The following KCND3 variants were observed in gnomAD, a reference collection of about 807,000 sequenced individuals.
KCND3 encodes the protein A-type voltage-gated potassium channel KCND3.
A neutral mutation model predicts 51.1 loss-of-function variants in KCND3; 9 were observed. The observed-to-expected ratio is 0.18, with a 90% CI of 0.11 to 0.31. The LOEUF (loss-of-function observed/expected upper bound fraction) is 0.31. Ranked by LOEUF, KCND3 falls within the 10% of genes least tolerant of loss-of-function variation. The pLI is 1.00. For missense variants in KCND3, 526 were observed against 903.8 expected, an observed-to-expected ratio of 0.58 and a Z score of 5.36; for synonymous variants, 349 against 368.0, an observed-to-expected ratio of 0.95 and a Z score of 0.59.
intron 2 of KCND3, among the ~76,000 whole-genome samples, chr1:111,937,561 G>T (rs1319634356): frequency 6.6e-6 from 1 of 152,162 alleles, no homozygotes; most frequent in Non-Finnish European, 1.5e-5. Context: ...TCCACACTGG[G>T]GCTCATGCCT....
At chr1:111,951,451 C>A (rs1673060878) in intron 2 of KCND3, among the ~76,000 whole-genome samples, 1 of 152,072 alleles carries the variant, frequency 6.6e-6, no homozygotes, top group Non-Finnish European at 1.5e-5. Context: ...TGCTTATAAT[C>A]AGGAGAGTAG....
chr1:111,986,785 T>C (rs981659617), intron 1 of KCND3, among the ~76,000 whole-genome samples: 1 of 152,170 alleles, frequency 6.6e-6, no homozygotes, highest in East Asian at 1.9e-4. Context: ...GGAGTTAGCC[T>C]GAGCCTCAAG....
rs556555455 is a variant in KCND3, at chr1:111,939,433, T to C, written c.1106+42188A>G. Among the ~76,000 whole-genome samples, 266 of 152,250 alleles carry C rather than the reference T, an allele frequency of 1.7e-3. 3 individuals carry two copies. The highest frequency in any genetic ancestry group is 0.011 in the South Asian group (55 of 4,814). On this transcript the variant is annotated intron_variant, in intron 2 of 7. Coordinates refer to ENST00000302127, the MANE Select transcript of KCND3 (RefSeq NM_001378969.1). ...TGTGATGTTCCCCTTCCTGTGCCCA[T>C]ATGTTCTCATTGTTCAACTCCCACT...
intron 2 of KCND3, among the ~76,000 whole-genome samples, chr1:111,846,627 C>T (rs368658149): frequency 2.0e-5 from 3 of 152,172 alleles, no homozygotes; most frequent in Non-Finnish European, 4.4e-5. Context: ...AAGGTTCTCA[C>T]GAGGATTATA....
chr1:111,789,766 T>C (rs917590379), intron 2 of KCND3, among the ~76,000 whole-genome samples: 3 of 152,224 alleles, frequency 2.0e-5, no homozygotes, highest in African/African-American at 7.2e-5. Context: ...AAATTAACCT[T>C]ATTTCTTGTT....
intron 2 of KCND3, among the ~76,000 whole-genome samples, chr1:111,967,890 C>T (rs949267502): frequency 6.6e-6 from 1 of 152,178 alleles, no homozygotes; most frequent in African/African-American, 2.4e-5. Flanking sequence ...TGGCCCCACA[C>T]CCACATCTCC....
At chr1:111,828,710 C>G (rs1666692844) in intron 2 of KCND3, among the ~76,000 whole-genome samples, 2 of 152,204 alleles carry the variant, frequency 1.3e-5, no homozygotes, top group African/African-American at 2.4e-5. Flanking sequence ...GCCACCAGCT[C>G]TGCTCAGCTC....
chr1:111,895,722 G>T (rs951200129), intron 2 of KCND3, among the ~76,000 whole-genome samples: 1 of 152,346 alleles, frequency 6.6e-6, no homozygotes, highest in East Asian at 1.9e-4. Context: ...GGGAGTGGAG[G>T]GGGCCAGGGG....
At chr1:111,889,568 TAGG>T (rs1319735219) in intron 2 of KCND3, among the ~76,000 whole-genome samples, 2 of 152,072 alleles carry the variant, frequency 1.3e-5, no homozygotes, top group Non-Finnish European at 2.9e-5. Flanking sequence ...TAAATCATTT[TAGG>T]AGAATTTTTT....
chr1:111,793,816 C>T (rs1664944098), intron 2 of KCND3, among the ~76,000 whole-genome samples: 1 of 151,936 alleles, frequency 6.6e-6, no homozygotes, highest in Non-Finnish European at 1.5e-5. Context: ...AAAGAAAAAG[C>T]AGAAACAGTC....
chr1:111,935,479 G>T (rs1441813831), intron 2 of KCND3, among the ~76,000 whole-genome samples: 4 of 146,588 alleles, frequency 2.7e-5, no homozygotes, highest in Admixed American at 2.7e-4. Context: ...GATTATAATT[G>T]CCCAGAGAGG....
intron 2 of KCND3, among the ~76,000 whole-genome samples, chr1:111,892,372 G>C (rs1669872728): frequency 6.6e-6 from 1 of 152,212 alleles, no homozygotes; most frequent in African/African-American, 2.4e-5. Context: ...CAGTGAGCCA[G>C]CTCTCCAATG....
chr1:111,965,947 C>T (rs1028178109), intron 2 of KCND3, among the ~76,000 whole-genome samples: 2 of 152,154 alleles, frequency 1.3e-5, no homozygotes, highest in Admixed American at 6.5e-5. Context: ...ACAATTGCCC[C>T]GGCTTTGGGG....
At chr1:111,961,864 C>T (rs1227535635) in intron 2 of KCND3, among the ~76,000 whole-genome samples, 1 of 152,190 alleles carries the variant, frequency 6.6e-6, no homozygotes, top group Non-Finnish European at 1.5e-5. Context: ...CTACATCCCT[C>T]GACCCCAAGT....
intron 2 of KCND3, among the ~76,000 whole-genome samples, chr1:111,789,450 C>T (rs1664739750): frequency 1.3e-5 from 2 of 152,236 alleles, no homozygotes; most frequent in Admixed American, 6.5e-5. Context: ...ATTTACATCA[C>T]AGGCCCACAT....
rs1664081591 is a variant in KCND3 at position 111,775,861 on chromosome 1, C to T, written c.*216G>A. ...CCCTTCCTCTGGCCCCAGTGAGATGCAGTATCACAGGGCTATGTCCACGCT... is the reference window on the plus strand; with the variant it reads ...CCCTTCCTCTGGCCCCAGTGAGATGTAGTATCACAGGGCTATGTCCACGCT... On this transcript the variant is annotated 3_prime_UTR_variant, in exon 8 of 8. Coordinates refer to ENST00000302127, the MANE Select transcript of KCND3 (RefSeq NM_001378969.1). 1.4e-5 allele frequency: 4 copies of T among 287,330 alleles called. No individual in the cohort carries two copies. The highest frequency in any genetic ancestry group is 9.2e-5 in the East Asian group (1 of 10,858). The allele number at this position is 287,330 out of a possible 1,614,324, so 17.8% of individuals were successfully genotyped here.
At chr1:111,975,463 A>G (rs1171924757) in intron 2 of KCND3, among the ~76,000 whole-genome samples, 1 of 152,144 alleles carries the variant, frequency 6.6e-6, no homozygotes, top group Non-Finnish European at 1.5e-5. Flanking sequence ...GTGCCTCTAC[A>G]TTCAAATACA....
intron 2 of KCND3, among the ~76,000 whole-genome samples, chr1:111,959,313 G>C (rs1673509051): frequency 6.6e-6 from 1 of 152,142 alleles, no homozygotes; most frequent in African/African-American, 2.4e-5. Context: ...TTTCAGGATG[G>C]AGAGACAACT....
At chr1:111,965,921 G>A (rs1673959928) in intron 2 of KCND3, among the ~76,000 whole-genome samples, 1 of 152,166 alleles carries the variant, frequency 6.6e-6, no homozygotes, top group Non-Finnish European at 1.5e-5. Flanking sequence ...CACTCTGCTG[G>A]GAGCTGGGTT....
Sources: gnomAD v4.1 joint callset for allele counts (sites outside exome capture counted in the v4.1 genomes callset) on GRCh38, gnomAD v4.1.1 for gene constraint, MANE v1.5 for transcripts, NCBI Gene and HGNC (gene_info 2026-07-23, HGNC 2026-07-21) for gene names.